The following MAST2 variants were observed in gnomAD, a reference collection of about 807,000 sequenced individuals.
The protein encoded by MAST2 is microtubule-associated serine/threonine-protein kinase 2.
In MAST2, 70 loss-of-function variants were observed where a neutral mutation model predicts 147.4. That is an observed-to-expected ratio of 0.47 (90% CI 0.39 to 0.58). The LOEUF is 0.58. Among genes scored for constraint, MAST2 ranks in the 20% least tolerant of loss-of-function variants. The pLI, the probability that MAST2 is intolerant of heterozygous loss-of-function variation, is 0.00. For synonymous variants in MAST2, 869 were observed against 896.8 expected (o/e 0.97, Z 0.55); for missense variants, 2,080 against 2,302.3 (o/e 0.90, Z 1.98).
At chr1:46,029,396 G>A in intron 18 of MAST2, 70 bp from the exon 19 acceptor site, 1 of 1,330,108 alleles carries the variant, frequency 7.5e-7, no homozygotes, top group South Asian at 1.3e-5. Flanking sequence ...TCACTGTTCT[G>A]GGACCCTCTT....
intron 28 of MAST2, 92 bp downstream of exon 28, chr1:46,034,358 C>A: frequency 1.4e-6 from 2 of 1,422,634 alleles, no homozygotes; most frequent in South Asian, 1.4e-5. Flanking sequence ...CACTCTGAGT[C>A]TCTCATTTAG....
At chr1:46,025,014 C>G (rs1646345008) in intron 15 of MAST2, among the ~76,000 whole-genome samples, 2 of 152,142 alleles carry the variant, frequency 1.3e-5, no homozygotes, top group African/African-American at 4.8e-5. Flanking sequence ...CAGGGAAGCT[C>G]CCCTTTATAA....
At chr1:45,919,729 A>G (rs564021570) in intron 4 of MAST2, among the ~76,000 whole-genome samples, 11 of 151,558 alleles carry the variant, frequency 7.3e-5, no homozygotes, top group East Asian at 3.9e-4. Context: ...CTTGATGACT[A>G]TGGTCTCAGA....
chr1:46,004,361 CAAAAAA>C (rs60013733), intron 7 of MAST2, among the ~76,000 whole-genome samples: 1 of 113,328 alleles, frequency 8.8e-6, no homozygotes, highest in Non-Finnish European at 1.8e-5. Context: ...AAGACTATCT[CAAAAAA>C]AAAAAAAAAA....
Position 45,915,683 on chromosome 1 carries a change from C to T in MAST2, c.500+33288C>T, listed in dbSNP as rs373416908. On this transcript the variant is annotated intron_variant, in intron 4 of 28. Coordinates refer to ENST00000361297, the MANE Select transcript of MAST2 (RefSeq NM_015112.3). Reference sequence around the variant, plus strand: ...CGAGATGGCGCCACTGTACTCCAGCCTGGGTGACAGAGTGAGACTCTGTCT... The same window carrying T: ...CGAGATGGCGCCACTGTACTCCAGCTTGGGTGACAGAGTGAGACTCTGTCT... Among the ~76,000 whole-genome samples, 4 of 145,540 alleles carry T rather than the reference C, an allele frequency of 2.7e-5. No homozygotes were observed. The East Asian group carries it at 8.2e-4, about 30-fold the overall frequency.
At chr1:45,839,610 C>T (rs1324528618) in intron 3 of MAST2, among the ~76,000 whole-genome samples, 2 of 152,120 alleles carry the variant, frequency 1.3e-5, no homozygotes, top group African/African-American at 4.8e-5. Flanking sequence ...AAATTTTCTC[C>T]ATTAAGCTAT....
chr1:45,969,553 C>T (rs979722741), intron 5 of MAST2, among the ~76,000 whole-genome samples: 20 of 151,904 alleles, frequency 1.3e-4, no homozygotes, highest in Non-Finnish European at 2.9e-5. Flanking sequence ...GACCATGAAC[C>T]CTGTTGTGAA....
At chr1:45,868,260 CTTTT>C (rs1646241403) in intron 3 of MAST2, among the ~76,000 whole-genome samples, 1 of 152,144 alleles carries the variant, frequency 6.6e-6, no homozygotes, top group Non-Finnish European at 1.5e-5. Flanking sequence ...GAAGGAGGTG[CTTTT>C]ATACTTGCCC....
At chr1:45,820,865 G>C (rs1243341099) in intron 1 of MAST2, among the ~76,000 whole-genome samples, 1 of 122,592 alleles carries the variant, frequency 8.2e-6, no homozygotes, top group Non-Finnish European at 1.7e-5. Flanking sequence ...ATCTGAAAAT[G>C]CCTCGATTTC....
intron 3 of MAST2, among the ~76,000 whole-genome samples, chr1:45,863,693 A>G (rs985208494): frequency 1.3e-5 from 2 of 152,218 alleles, no homozygotes; most frequent in African/African-American, 4.8e-5. Flanking sequence ...TTTTGGGTGC[A>G]GACTGAATCT....
intron 3 of MAST2, among the ~76,000 whole-genome samples, chr1:45,861,983 A>T (rs904916085): frequency 1.3e-5 from 2 of 152,232 alleles, no homozygotes; most frequent in African/African-American, 4.8e-5. Context: ...CTTCTTTAAT[A>T]GCATTTGCAG....
At chr1:45,955,975 T>A (rs1659603737) in intron 4 of MAST2, among the ~76,000 whole-genome samples, 1 of 152,178 alleles carries the variant, frequency 6.6e-6, no homozygotes, top group Admixed American at 6.6e-5. Context: ...AATGAACAGA[T>A]CTATAACTCT....
Position 46,000,723 on chromosome 1 carries a change from T to A in MAST2, c.669-2082T>A, listed in dbSNP as rs1256740831. On this transcript the variant is annotated intron_variant, in intron 6 of 28. Coordinates refer to ENST00000361297, the MANE Select transcript of MAST2 (RefSeq NM_015112.3). Reference sequence around the variant, plus strand: ...GCCAAACAGAGTATCAGGAATCGTTTGTTTCTGTGTTACTGGCTGGCGCTT... The same window carrying A: ...GCCAAACAGAGTATCAGGAATCGTTAGTTTCTGTGTTACTGGCTGGCGCTT... 2.0e-5 allele frequency among the ~76,000 whole-genome samples: 3 copies of A among 152,346 alleles called. No individual in the cohort carries two copies. The East Asian group carries it at 5.8e-4, about 29-fold the overall frequency.
At chr1:45,888,090 C>A (rs1647172668) in intron 4 of MAST2, among the ~76,000 whole-genome samples, 2 of 152,196 alleles carry the variant, frequency 1.3e-5, no homozygotes, top group South Asian at 4.1e-4. Context: ...TTGTCATGCT[C>A]ATTATCCCCA....
chr1:45,997,218 T>A (rs1645092416), intron 5 of MAST2, among the ~76,000 whole-genome samples: 1 of 152,184 alleles, frequency 6.6e-6, no homozygotes, highest in Non-Finnish European at 1.5e-5. Context: ...TATCTTAAGG[T>A]TTACTACTAT....
chr1:46,008,634 C>T (rs992607979), intron 9 of MAST2, among the ~76,000 whole-genome samples: 14 of 152,168 alleles, frequency 9.2e-5, no homozygotes, highest in African/African-American at 3.4e-4. Flanking sequence ...TAGAGTTATC[C>T]AGAGGGGAAT....
At chr1:45,824,691 T>C (rs1644737189) in intron 2 of MAST2, 111 bp downstream of exon 2, 1 of 1,119,826 alleles carries the variant, frequency 8.9e-7, no homozygotes, top group African/African-American at 1.6e-5. Context: ...AGTAGTCTTG[T>C]ATAGAACATT....
At chr1:45,898,131 A>G (rs1649067631) in intron 4 of MAST2, among the ~76,000 whole-genome samples, 1 of 152,102 alleles carries the variant, frequency 6.6e-6, no homozygotes, top group African/African-American at 2.4e-5. Context: ...AAACGAAACC[A>G]AAAAAAGAAA....
At chr1:45,844,679 T>C (rs1454237306) in intron 3 of MAST2, among the ~76,000 whole-genome samples, 1 of 152,194 alleles carries the variant, frequency 6.6e-6, no homozygotes, top group Non-Finnish European at 1.5e-5. Context: ...TGCCTCAGAC[T>C]TCAAACTATC....
Sources: allele counts gnomAD v4.1 joint callset (sites outside exome capture counted in the v4.1 genomes callset), GRCh38; gene constraint gnomAD v4.1.1; transcripts MANE v1.5; gene names NCBI Gene and HGNC (gene_info 2026-07-23, HGNC 2026-07-21).